Variants in MCM9 observed in about 807,000 individuals in gnomAD.
The protein encoded by MCM9 is minichromosome maintenance 9 homologous recombination repair factor.
A neutral mutation model predicts 72.8 loss-of-function variants in MCM9; 55 were observed. The observed-to-expected ratio is 0.76, with a 90% CI of 0.61 to 0.95. MCM9 has a LOEUF of 0.95. Ranked by LOEUF, MCM9 falls within the 40% of genes least tolerant of loss-of-function variation. The pLI, the probability that MCM9 is intolerant of heterozygous loss-of-function variation, is 0.00. For missense variants in MCM9, 1,279 were observed against 1,377.0 expected, an observed-to-expected ratio of 0.93 and a Z score of 1.13; for synonymous variants, 480 against 503.4, an observed-to-expected ratio of 0.95 and a Z score of 0.62.
chr6:118,894,554 A>G, intron 8 of MCM9: 5 of 1,502,714 alleles, frequency 3.3e-6, no homozygotes, highest in Non-Finnish European at 4.5e-6. Flanking sequence ...CCGGGCTGTC[A>G]GTTGCGGGCT....
At chr6:118,831,702 A>G (rs1774576334) in intron 9 of MCM9, among the ~76,000 whole-genome samples, 1 of 152,208 alleles carries the variant, frequency 6.6e-6, no homozygotes, top group Non-Finnish European at 1.5e-5. Flanking sequence ...AGTGCGTAGT[A>G]GTGGCTCACT....
chr6:118,894,848 G>A (rs1274142256), intron 8 of MCM9, among the ~76,000 whole-genome samples: 2 of 152,228 alleles, frequency 1.3e-5, no homozygotes, highest in Non-Finnish European at 2.9e-5. Context: ...GCGCCGGGCT[G>A]GCTCCGCGCC....
intron 8 of MCM9, among the ~76,000 whole-genome samples, chr6:118,889,931 A>T (rs1778838210): frequency 6.6e-6 from 1 of 152,220 alleles, no homozygotes; most frequent in African/African-American, 2.4e-5. Context: ...TTTATTAATG[A>T]CGTGGAGCAG....
At chr6:118,892,129 T>C (rs143453653) in intron 8 of MCM9, among the ~76,000 whole-genome samples, 3,999 of 151,942 alleles carry the variant, frequency 0.026, 64 homozygotes, top group Middle Eastern at 0.041. Flanking sequence ...TGGAGTAAGG[T>C]AGTATCAATG....
At chr6:118,929,399 G>A (rs1164594047) in intron 3 of MCM9, among the ~76,000 whole-genome samples, 1 of 152,070 alleles carries the variant, frequency 6.6e-6, no homozygotes, top group African/African-American at 2.4e-5. Context: ...TTTAAAGGAG[G>A]GAAAAACTAT....
At chr6:118,927,810 T>C (rs116071735) in intron 3 of MCM9, among the ~76,000 whole-genome samples, 1,585 of 152,306 alleles carry the variant, frequency 0.01, 30 homozygotes, top group African/African-American at 0.036. Flanking sequence ...TTTGATAGTG[T>C]TTCTTACTGT....
intron 8 of MCM9, among the ~76,000 whole-genome samples, chr6:118,896,057 T>TA (rs1779387562): frequency 1.3e-5 from 2 of 149,040 alleles, no homozygotes; most frequent in Non-Finnish European, 1.5e-5. Flanking sequence ...TTTTTTTTTT[T>TA]AAACCTATAT....
intron 9 of MCM9, among the ~76,000 whole-genome samples, chr6:118,839,556 T>C (rs906867726): frequency 6.6e-6 from 1 of 152,174 alleles, no homozygotes; most frequent in South Asian, 2.1e-4. Context: ...CTCATCTTTG[T>C]GGATTTATCT....
At chr6:118,930,200 T>C (rs1036054640) in intron 3 of MCM9, among the ~76,000 whole-genome samples, 18 of 152,198 alleles carry the variant, frequency 1.2e-4, no homozygotes, top group Non-Finnish European at 2.1e-4. Context: ...AAGCTCCGCC[T>C]CCTGGGTTCA....
chr6:118,907,382 A>T, intron 8 of MCM9: 1 of 1,525,094 alleles, frequency 6.6e-7, no homozygotes, highest in Non-Finnish European at 9.0e-7. Context: ...TACCATTTGT[A>T]TGTTTCCTTT....
Position 118,924,130 on chromosome 6 carries a change from G to A in MCM9, c.305-3C>T, listed in dbSNP as rs988345650. ...CAGCTCAGGACAGACAGGCAAACCT[G>A]ATGGAGAAAACAAAAAAACAGCATC... is the stretch of plus-strand genomic sequence containing the variant. On this transcript the variant is annotated splice_polypyrimidine_tract_variant and splice_region_variant and intron_variant, in intron 3 of 13. Transcript: ENST00000619706. 3.1e-6 allele frequency: 5 copies of A among 1,605,724 alleles called. No individual in the cohort carries two copies. The African/African-American group carries it at 4.0e-5, about 13-fold the overall frequency.
chr6:118,845,729 G>A (rs1377808876), intron 9 of MCM9, among the ~76,000 whole-genome samples: 1 of 151,744 alleles, frequency 6.6e-6, no homozygotes, highest in Non-Finnish European at 1.5e-5. Context: ...TCTGCAGCCT[G>A]TCATAGGTGG....
At chr6:118,911,119 G>C in intron 8 of MCM9, 1 of 985,206 alleles carries the variant, frequency 1.0e-6, no homozygotes, top group South Asian at 4.7e-5. Flanking sequence ...ACCTGCAAAG[G>C]CTTTTAAGTG....
chr6:118,817,666 G>A (rs2114497029), intron 13 of MCM9, among the ~76,000 whole-genome samples: 1 of 152,308 alleles, frequency 6.6e-6, no homozygotes, highest in East Asian at 1.9e-4. Flanking sequence ...TAATGGGATT[G>A]CTGGTTCAAA....
intron 8 of MCM9, among the ~76,000 whole-genome samples, chr6:118,906,630 A>G (rs1283921393): frequency 6.6e-6 from 1 of 152,230 alleles, no homozygotes; most frequent in Non-Finnish European, 1.5e-5. Context: ...AAGTTAAACT[A>G]ACAGTCTTAA....
chr6:118,840,712 T>A (rs1775298637), intron 9 of MCM9, among the ~76,000 whole-genome samples: 1 of 150,374 alleles, frequency 6.7e-6, no homozygotes, highest in Non-Finnish European at 1.5e-5. Context: ...CTTAAAATGC[T>A]AGGTACATAT....
Position 118,856,499 on chromosome 6 carries a change from C to G in MCM9, c.1197G>C (p.Glu399Asp). ...AVKDSGEWNL[E>D]AGALVLADAG... ...CATCTGCAAGAACTAATGCCCCAGCCTCCAAATTCCATTCTCCTGAGTCTT... is the reference window on the plus strand; with the variant it reads ...CATCTGCAAGAACTAATGCCCCAGCGTCCAAATTCCATTCTCCTGAGTCTT... The change falls in exon 9 of 14, where the codon GAG becomes GAC. Residue 399 changes from glutamate to aspartate, a missense_variant. Transcript: ENST00000619706. 6.5e-7 allele frequency: 1 copy of G among 1,535,712 alleles called. No individual in the cohort carries two copies. The highest frequency in any genetic ancestry group is 1.2e-5 in the South Asian group (1 of 84,058).
intron 13 of MCM9, among the ~76,000 whole-genome samples, chr6:118,817,442 T>C (rs1030915411): frequency 5.3e-5 from 8 of 152,220 alleles, no homozygotes; most frequent in African/African-American, 1.9e-4. Context: ...TCCAGCTTCA[T>C]CCATGTCCCT....
chr6:118,833,815 G>A (rs1774762027), intron 9 of MCM9, among the ~76,000 whole-genome samples: 1 of 152,140 alleles, frequency 6.6e-6, no homozygotes, highest in Non-Finnish European at 1.5e-5. Flanking sequence ...AACAGGTATA[G>A]AGTTTCAGTT....
Sources: gnomAD v4.1 joint callset for allele counts (sites outside exome capture counted in the v4.1 genomes callset) on GRCh38, gnomAD v4.1.1 for gene constraint, MANE v1.5 for transcripts, NCBI Gene and HGNC (gene_info 2026-07-23, HGNC 2026-07-21) for gene names.